LHFPL2: variants seen among roughly 807,000 people sequenced by gnomAD.
The protein encoded by LHFPL2 is LHFPL tetraspan subfamily member 2 protein.
A neutral mutation model predicts 17.5 loss-of-function variants in LHFPL2; 7 were observed. The observed-to-expected ratio is 0.40, with a 90% CI of 0.23 to 0.75. LHFPL2 has a LOEUF of 0.75. LHFPL2 is among the 30% of genes least tolerant of loss of function. The pLI is 0.37. For missense variants in LHFPL2, 241 were observed against 294.8 expected (o/e 0.82, Z 1.34); for synonymous variants, 134 against 116.2 (o/e 1.15, Z -0.99).
chr5:78,602,636 G>C (rs79948628), intron 2 of LHFPL2, among the ~76,000 whole-genome samples: 245 of 152,154 alleles, frequency 1.6e-3, no homozygotes, highest in African/African-American at 5.8e-3. Flanking sequence ...AACTTATCCT[G>C]GGCAGATAAG....
At chr5:78,584,727 C>G (rs1217172904) in intron 2 of LHFPL2, among the ~76,000 whole-genome samples, 7 of 152,180 alleles carry the variant, frequency 4.6e-5, no homozygotes, top group Non-Finnish European at 1.0e-4. Context: ...GAGGTTATTG[C>G]TGTCTTTTTG....
At chr5:78,568,896 C>T (rs767597483) in intron 2 of LHFPL2, among the ~76,000 whole-genome samples, 2 of 152,086 alleles carry the variant, frequency 1.3e-5, no homozygotes, top group Non-Finnish European at 1.5e-5. Context: ...AAAAGGGGGC[C>T]GGAGTGTGGG....
At chr5:78,572,931 G>T (rs548133106) in intron 2 of LHFPL2, among the ~76,000 whole-genome samples, 1 of 152,060 alleles carries the variant, frequency 6.6e-6, no homozygotes, top group Non-Finnish European at 1.5e-5. Context: ...TTCCTCGCAC[G>T]CACGGTTCAC....
At chr5:78,592,544 C>A (rs1415119832) in intron 2 of LHFPL2, among the ~76,000 whole-genome samples, 2 of 152,162 alleles carry the variant, frequency 1.3e-5, no homozygotes, top group African/African-American at 4.8e-5. Flanking sequence ...TCTTGAGCAT[C>A]TTTTGCTTTC....
At chr5:78,601,520 T>C (rs9293753) in intron 2 of LHFPL2, among the ~76,000 whole-genome samples, 56,582 of 151,808 alleles carry the variant, frequency 0.37, 11,291 homozygotes, top group Middle Eastern at 0.48. Context: ...GGAACTGTTT[T>C]TATTCTTTAA....
intron 4 of LHFPL2, among the ~76,000 whole-genome samples, chr5:78,499,285 C>T (rs1328532041): frequency 6.6e-6 from 1 of 152,184 alleles, no homozygotes; most frequent in South Asian, 2.1e-4. Context: ...AGATAACTTA[C>T]ACTAACAATG....
intron 2 of LHFPL2, among the ~76,000 whole-genome samples, chr5:78,582,838 C>T (rs954111875): frequency 3.3e-5 from 5 of 152,036 alleles, no homozygotes; most frequent in Non-Finnish European, 5.9e-5. Context: ...TCCTGGGTAT[C>T]CTTGTTGACT....
chr5:78,505,412 G>A (rs190444395), intron 4 of LHFPL2, among the ~76,000 whole-genome samples: 5 of 152,282 alleles, frequency 3.3e-5, no homozygotes, highest in Admixed American at 2.0e-4. Flanking sequence ...AACACTCAAC[G>A]GCTAGAAGCT....
intron 4 of LHFPL2, among the ~76,000 whole-genome samples, chr5:78,493,717 A>G (rs970743058): frequency 2.6e-5 from 4 of 152,356 alleles, no homozygotes; most frequent in Admixed American, 2.6e-4. Context: ...CCTTTGGGTG[A>G]TTGATGTATC....
chr5:78,620,382 G>T (rs1744806273), intron 2 of LHFPL2, among the ~76,000 whole-genome samples: 1 of 152,062 alleles, frequency 6.6e-6, no homozygotes, highest in South Asian at 2.1e-4. Flanking sequence ...ATTTGTTTGA[G>T]TTCTTTTTAT....
chr5:78,504,951 A>T (rs982172461), intron 4 of LHFPL2, among the ~76,000 whole-genome samples: 1 of 152,196 alleles, frequency 6.6e-6, no homozygotes, highest in Non-Finnish European at 1.5e-5. Context: ...CCCAGCATAA[A>T]GGGAAGACTG....
intron 3 of LHFPL2, among the ~76,000 whole-genome samples, chr5:78,563,464 G>T (rs1300889279): frequency 2.0e-5 from 3 of 152,088 alleles, no homozygotes; most frequent in African/African-American, 7.2e-5. Flanking sequence ...GGGAGGCTGA[G>T]GTGGGCAGAG....
intron 4 of LHFPL2, among the ~76,000 whole-genome samples, chr5:78,503,335 C>T (rs10474554): frequency 0.83 from 126,023 of 152,250 alleles, 52,884 homozygotes; most frequent in African/African-American, 0.94. Context: ...TGCATATCAA[C>T]TGCTATATCA....
At chr5:78,501,901 T>G (rs1754787038) in intron 4 of LHFPL2, among the ~76,000 whole-genome samples, 1 of 152,146 alleles carries the variant, frequency 6.6e-6, no homozygotes, top group South Asian at 2.1e-4. Flanking sequence ...TACATGTTAT[T>G]TTAGTACATG....
intron 3 of LHFPL2, among the ~76,000 whole-genome samples, chr5:78,513,107 G>C (rs1251681576): frequency 6.6e-6 from 1 of 152,116 alleles, no homozygotes; most frequent in African/African-American, 2.4e-5. Flanking sequence ...CAGAACTGCA[G>C]GGCTCCTACA....
intron 4 of LHFPL2, among the ~76,000 whole-genome samples, chr5:78,507,822 C>T (rs1307291011): frequency 6.6e-6 from 1 of 152,150 alleles, no homozygotes; most frequent in African/African-American, 2.4e-5. Context: ...TCTGGTCAAC[C>T]AGGGCTCTTC....
intron 2 of LHFPL2, among the ~76,000 whole-genome samples, chr5:78,568,076 G>A (rs1309994976): frequency 2.0e-5 from 3 of 152,154 alleles, no homozygotes; most frequent in Non-Finnish European, 4.4e-5. Flanking sequence ...ATCAATTAGA[G>A]CACATACAAT....
At chr5:78,519,723 C>T (rs2162722) in intron 3 of LHFPL2, among the ~76,000 whole-genome samples, 62,809 of 152,088 alleles carry the variant, frequency 0.41, 13,414 homozygotes, top group African/African-American at 0.51. Flanking sequence ...AGCACTCCAT[C>T]CATGTGGACT....
rs1352301525 is a variant in LHFPL2 at position 78,485,265 on chromosome 5, A to C, written c.*3632T>G. 4 of 152,478 alleles carry C rather than the reference A, an allele frequency of 2.6e-5. No individual in the cohort carries two copies. Among genetic ancestry groups the C allele is most frequent in the Non-Finnish European group, 5.9e-5 (4 of 67,944 alleles). The allele number at this position is 152,478 out of a possible 1,614,324, so 9.4% of individuals were successfully genotyped here. A position where few individuals can be genotyped will look rare whatever the true frequency, so the allele number is the denominator to read the frequency against. ...AATCTGGTTTAATTAAGATCTGGGGAGGGGAGCACATAGTGAAAATACATA... is the reference window on the plus strand; with the variant it reads ...AATCTGGTTTAATTAAGATCTGGGGCGGGGAGCACATAGTGAAAATACATA... On this transcript the variant is annotated 3_prime_UTR_variant, in exon 5 of 5. Coordinates refer to ENST00000380345, the MANE Select transcript of LHFPL2 (RefSeq NM_005779.3).
Sources: gnomAD v4.1 joint callset for allele counts (sites outside exome capture counted in the v4.1 genomes callset) on GRCh38, gnomAD v4.1.1 for gene constraint, MANE v1.5 for transcripts, NCBI Gene and HGNC (gene_info 2026-07-23, HGNC 2026-07-21) for gene names.